The following DTHD1 variants were observed in gnomAD, a reference collection of about 807,000 sequenced individuals.
DTHD1 encodes death domain containing 1.
In DTHD1, 59 loss-of-function variants were observed where a neutral mutation model predicts 74.8. The ratio of observed to expected loss-of-function variants is 0.79; its 90% CI spans 0.64 to 0.98. The LOEUF is 0.98. Ranked by LOEUF, DTHD1 falls within the 50% of genes least tolerant of loss-of-function variation. The pLI is 0.00. For missense variants in DTHD1, 1,051 were observed against 1,065.4 expected, an observed-to-expected ratio of 0.99 and a Z score of 0.19; for synonymous variants, 365 against 371.1, an observed-to-expected ratio of 0.98 and a Z score of 0.19.
chr4:36,327,783 A>G (rs1758437430), intron 8 of DTHD1, among the ~76,000 whole-genome samples: 2 of 152,158 alleles, frequency 1.3e-5, no homozygotes, highest in African/African-American at 4.8e-5. Context: ...TATATATTCC[A>G]TTTATATTTT....
intron 2 of DTHD1, among the ~76,000 whole-genome samples, chr4:36,285,163 A>C (rs1560783278): frequency 1.3e-5 from 2 of 152,128 alleles, no homozygotes; most frequent in African/African-American, 4.8e-5. Flanking sequence ...AACACATTAC[A>C]TTTTTTTAAA....
intron 8 of DTHD1, among the ~76,000 whole-genome samples, chr4:36,317,087 A>G (rs778061129): frequency 3.3e-5 from 5 of 152,262 alleles, no homozygotes; most frequent in African/African-American, 7.2e-5. Flanking sequence ...TGAAAAATTT[A>G]CTTCATTAAT....
intron 7 of DTHD1, 99 bp from the exon 8 acceptor site, chr4:36,316,143 G>C: frequency 8.9e-7 from 1 of 1,123,956 alleles, no homozygotes; most frequent in South Asian, 1.6e-5. Flanking sequence ...CACCATGTTA[G>C]CCAGGATGGT....
intron 4 of DTHD1, 100 bp downstream of exon 4, chr4:36,293,805 A>G (rs1756231629): frequency 9.6e-7 from 1 of 1,041,134 alleles, no homozygotes; most frequent in African/African-American, 1.6e-5. Flanking sequence ...TAATATAACA[A>G]AAAATGGATT....
Position 36,345,270 on chromosome 4 carries a change from C to A in DTHD1, c.*1446C>A, listed in dbSNP as rs530682505. On this transcript the variant is annotated 3_prime_UTR_variant, in exon 10 of 10. Coordinates refer to ENST00000639862, the MANE Select transcript of DTHD1 (RefSeq NM_001170700.3). ...CTAAACCCCTCTTTCTATTGATAATCGCTATTAATGTCTAGTATAAGCTTT... is the reference window on the plus strand; with the variant it reads ...CTAAACCCCTCTTTCTATTGATAATAGCTATTAATGTCTAGTATAAGCTTT... 1 of 152,088 alleles carries A rather than the reference C, an allele frequency of 6.6e-6. No individual in the cohort carries two copies. The highest frequency in any genetic ancestry group is 1.5e-5 in the Non-Finnish European group (1 of 68,006). The allele number at this position is 152,088 out of a possible 1,614,324, so 9.4% of individuals were successfully genotyped here.
intron 5 of DTHD1, among the ~76,000 whole-genome samples, chr4:36,301,862 G>A (rs958560668): frequency 6.6e-6 from 1 of 151,792 alleles, no homozygotes; most frequent in African/African-American, 2.4e-5. Flanking sequence ...TGGATATTCT[G>A]CTGTCAGCTG....
chr4:36,332,003 C>A (rs577501390), intron 8 of DTHD1, among the ~76,000 whole-genome samples: 1 of 152,006 alleles, frequency 6.6e-6, no homozygotes, highest in Non-Finnish European at 1.5e-5. Context: ...GCATTCTGGC[C>A]GGGCGCAGTA....
intron 8 of DTHD1, among the ~76,000 whole-genome samples, chr4:36,335,747 T>G (rs1433420665): frequency 6.6e-6 from 1 of 152,204 alleles, no homozygotes; most frequent in Non-Finnish European, 1.5e-5. Flanking sequence ...ATTGAGTAGA[T>G]GTAACCAAGT....
chr4:36,307,146 G>T (rs1305710107), intron 6 of DTHD1, among the ~76,000 whole-genome samples: 1 of 152,204 alleles, frequency 6.6e-6, no homozygotes, highest in East Asian at 1.9e-4. Flanking sequence ...CACTGAAGAA[G>T]AATTTGAGAA....
chr4:36,307,449 T>C (rs1757126287), intron 6 of DTHD1, among the ~76,000 whole-genome samples: 1 of 152,218 alleles, frequency 6.6e-6, no homozygotes, highest in Non-Finnish European at 1.5e-5. Context: ...TCAGTCATAC[T>C]GGATTAGAGA....
chr4:36,334,596 G>A (rs13134985), intron 8 of DTHD1, among the ~76,000 whole-genome samples: 31,206 of 152,008 alleles, frequency 0.21, 4,078 homozygotes, highest in Non-Finnish European at 0.29. Context: ...GTGACCTCAG[G>A]TGATCCACCT....
Position 36,343,763 on chromosome 4 carries a change from T to G in DTHD1, c.2660T>G (p.Phe887Cys). Residue 887 changes from phenylalanine (F) to cysteine (C), a missense_variant, in exon 10 of 10, where the codon TTC (phenylalanine) becomes TGC (cysteine). Physicochemically the swap from Phe to Cys is radical, Grantham distance 205 (BLOSUM62 -2). Transcript: ENST00000639862. ...AGTGATCTTGCAGAAGAGCTCAAAT[T>G]CAAGTGGGAAAATAAAGTGTTCACT... is the stretch of plus-strand genomic sequence containing the variant. The part of the protein sequence containing the change: ...GRSDLAEELK[F>C]KWENKVFTEP... 6.4e-7 allele frequency: 1 copy of G among 1,551,430 alleles called. No individual in the cohort carries two copies. Among genetic ancestry groups the G allele is most frequent in the Admixed American group, 2.0e-5 (1 of 50,992 alleles).
rs73117685 is a variant in DTHD1 at position 36,306,965 on chromosome 4, G to A, written c.1805+613G>A. Among the ~76,000 whole-genome samples, 778 of 152,330 alleles carry A rather than the reference G, an allele frequency of 5.1e-3. 6 individuals are homozygous for A. The highest frequency in any genetic ancestry group is 0.018 in the African/African-American group (730 of 41,576). On this transcript the variant is annotated intron_variant, in intron 6 of 9. Transcript: ENST00000639862. The stretch of plus-strand genomic sequence containing the variant: ...CTTGGGTGAATCCTGTAGGGCAAAG[G>A]AGGAAGATGGAAAAAACCATGGTTT...
At chr4:36,335,241 G>C (rs1441872983) in intron 8 of DTHD1, among the ~76,000 whole-genome samples, 2 of 152,080 alleles carry the variant, frequency 1.3e-5, no homozygotes, top group South Asian at 2.1e-4. Flanking sequence ...AGTTTTTTGA[G>C]GGGGGGTGCT....
At position 36,346,916 on chromosome 4, in the gene DTHD1, G is replaced by A. The variant is rs1001290361; in HGVS notation, c.*3092G>A. Among the ~76,000 whole-genome samples, 5 of 152,010 alleles carry A rather than the reference G, an allele frequency of 3.3e-5. No individual in the cohort carries two copies. The highest frequency in any genetic ancestry group is 1.2e-4 in the African/African-American group (5 of 41,382). ...GGTAATAGCTCTCTTGTTGTTTGGAGTAACTGTGTTATTCCTTGCAGTTCC... is the reference window on the plus strand; with the variant it reads ...GGTAATAGCTCTCTTGTTGTTTGGAATAACTGTGTTATTCCTTGCAGTTCC... On this transcript the variant is annotated 3_prime_UTR_variant, in exon 10 of 10. Transcript: ENST00000639862.
At chr4:36,328,166 T>C (rs527435058) in intron 8 of DTHD1, among the ~76,000 whole-genome samples, 8 of 152,344 alleles carry the variant, frequency 5.3e-5, no homozygotes, top group African/African-American at 1.9e-4. Flanking sequence ...AGTAGCCTGA[T>C]TTTGTTTCCA....
intron 5 of DTHD1, among the ~76,000 whole-genome samples, chr4:36,305,597 C>T (rs988751360): frequency 2.0e-5 from 3 of 152,086 alleles, no homozygotes; most frequent in Non-Finnish European, 2.9e-5. Context: ...CAAACCATAT[C>T]GGTACCATTA....
At chr4:36,283,758 G>A in intron 1 of DTHD1, 3 of 549,952 alleles carry the variant, frequency 5.5e-6, no homozygotes, top group Middle Eastern at 4.7e-4. Context: ...TTTACTCTTT[G>A]CTACCATGTT....
intron 9 of DTHD1, among the ~76,000 whole-genome samples, chr4:36,341,640 T>C (rs890978359): frequency 2.6e-5 from 4 of 152,234 alleles, no homozygotes; most frequent in Non-Finnish European, 5.9e-5. Context: ...ACATTCAACA[T>C]ATTTTCCTAA....
Sources: allele counts gnomAD v4.1 joint callset (sites outside exome capture counted in the v4.1 genomes callset), GRCh38; gene constraint gnomAD v4.1.1; transcripts MANE v1.5; gene names NCBI Gene and HGNC (gene_info 2026-07-23, HGNC 2026-07-21).